Variants in PPP1R13B observed in about 807,000 individuals in gnomAD.
The protein encoded by PPP1R13B is protein phosphatase 1 regulatory subunit 13B.
Under a neutral mutation model 119.8 loss-of-function variants are expected in PPP1R13B, and 44 were observed. The ratio of observed to expected loss-of-function variants is 0.37; its 90% confidence interval spans 0.29 to 0.47. The LOEUF (loss-of-function observed/expected upper bound fraction) is 0.47, where lower values mean the gene tolerates loss of function less well. PPP1R13B is among the 20% of genes least tolerant of loss of function. PPP1R13B has a pLI of 0.99. For missense variants in PPP1R13B, 1,227 were observed against 1,413.5 expected (o/e 0.87, Z 2.12); for synonymous variants, 542 against 561.5 (o/e 0.97, Z 0.49).
At chr14:103,833,922 T>C (rs1394761509) in intron 1 of PPP1R13B, among the ~76,000 whole-genome samples, 1 of 152,216 alleles carries the variant, frequency 6.6e-6, no homozygotes, top group African/African-American at 2.4e-5. Context: ...TGATGAATCC[T>C]AAAGGCATGC....
chr14:103,773,938 A>C (rs1845802593), intron 4 of PPP1R13B, among the ~76,000 whole-genome samples: 2 of 152,172 alleles, frequency 1.3e-5, no homozygotes, highest in Non-Finnish European at 2.9e-5. Context: ...CACCATATGG[A>C]AAACGGTGCC....
At chr14:103,769,606 C>G (rs77230327) in intron 4 of PPP1R13B, among the ~76,000 whole-genome samples, 5,353 of 152,210 alleles carry the variant, frequency 0.035, 267 homozygotes, top group African/African-American at 0.11. Flanking sequence ...AAATGACAAA[C>G]ATCCCTAATG....
chr14:103,785,536 T>TTTG, intron 2 of PPP1R13B, among the ~76,000 whole-genome samples: 1 of 122,970 alleles, frequency 8.1e-6, no homozygotes, highest in Non-Finnish European at 1.8e-5. Flanking sequence ...TTTTTTTTTT[T>TTTG]GAGACAGAGT....
chr14:103,741,744 TATA>T, intron 11 of PPP1R13B, 43 bp downstream of exon 11: 1 of 1,551,478 alleles, frequency 6.4e-7, no homozygotes, highest in African/African-American at 1.4e-5. Flanking sequence ...TAATTAAAAG[TATA>T]ATTTCCTAGC....
rs10134415 is a variant in PPP1R13B at position 103,830,304 on chromosome 14, C to G, written c.9+16995G>C. Among the ~76,000 whole-genome samples the G allele has an allele frequency of 4.2e-3, 632 of 151,930 alleles. 3 individuals carry two copies. The highest frequency in any genetic ancestry group is 0.015 in the African/African-American group (614 of 41,406). ...ACAGATGAGGTTTCACCAAGTTGGC[C>G]AGGCTGGCCTCAAACTCCTGACCTC... On this transcript the variant is annotated intron_variant, in intron 1 of 16. Transcript: ENST00000202556.
At chr14:103,785,542 A>T (rs2085442053) in intron 2 of PPP1R13B, among the ~76,000 whole-genome samples, 1 of 118,128 alleles carries the variant, frequency 8.5e-6, no homozygotes, top group African/African-American at 3.4e-5. Flanking sequence ...TTTTTGAGAC[A>T]GAGTTTTGCT....
chr14:103,834,318 G>A (rs906886648), intron 1 of PPP1R13B, among the ~76,000 whole-genome samples: 3 of 152,176 alleles, frequency 2.0e-5, no homozygotes, highest in African/African-American at 7.2e-5. Flanking sequence ...AGAGGTTGCA[G>A]TGAGCCAAGA....
In PPP1R13B at chr14:103,735,087, A is replaced by T; in HGVS notation, c.*67T>A. ...TTTCTAGCTGCAGCTTTCCTGGAAA[A>T]CAGCACAATAATCTCTTAAGTGGCT... On this transcript the variant is annotated 3_prime_UTR_variant, in exon 17 of 17. Transcript: ENST00000202556. The T allele has an allele frequency of 6.4e-7, 1 of 1,565,468 alleles. No individual in the cohort carries two copies. The highest frequency in any genetic ancestry group is 8.8e-7 in the Non-Finnish European group (1 of 1,135,900).
upstream of PPP1R13B, chr14:103,847,716 C>T (rs937172356): frequency 7.5e-5 from 58 of 774,314 alleles, no homozygotes; most frequent in Non-Finnish European, 8.8e-5. Context: ...CGGCTCCGCC[C>T]GCTACCCTCG....
chr14:103,783,419 C>A (rs535172668), intron 3 of PPP1R13B, among the ~76,000 whole-genome samples: 1 of 151,580 alleles, frequency 6.6e-6, no homozygotes, highest in African/African-American at 2.4e-5. Flanking sequence ...ACCACCACAT[C>A]GGGCTAATTT....
chr14:103,765,542 C>T (rs1321113341), intron 4 of PPP1R13B, among the ~76,000 whole-genome samples: 1 of 152,162 alleles, frequency 6.6e-6, no homozygotes, highest in African/African-American at 2.4e-5. Flanking sequence ...TTTGATTGAG[C>T]CATCCTTGCC....
intron 1 of PPP1R13B, among the ~76,000 whole-genome samples, chr14:103,822,076 C>T (rs1446913657): frequency 6.6e-6 from 1 of 152,048 alleles, no homozygotes; most frequent in Non-Finnish European, 1.5e-5. Context: ...CAAATCATGC[C>T]TATGAAAAAC....
At position 103,740,262 on chromosome 14, in the gene PPP1R13B, G is replaced by A. The variant is rs149001440; in HGVS notation, c.2154C>T (p.Gly718=). ...RSSITEPEGP[G]GPNIQKLLYQ... ...ACAGCAGCTTCTGGATGTTGGGCCC[G>A]CCGGGGCCCTCGGGCTCTGTGATGG... Residue 718 remains glycine (G), a synonymous_variant, in exon 12 of 17, where the codon GGC becomes GGT. Coordinates refer to ENST00000202556, the MANE Select transcript of PPP1R13B (RefSeq NM_015316.3). This position sits in a 1 kb window ranked among gnomAD's most constrained non-coding sequence, Gnocchi z 4.6. 1.6e-3 allele frequency: 2,527 copies of A among 1,604,008 alleles called. 34 individuals are homozygous for A. The African/African-American group carries it at 0.029, about 18-fold the overall frequency.
At chr14:103,821,369 C>T (rs568722714) in intron 1 of PPP1R13B, among the ~76,000 whole-genome samples, 117 of 152,230 alleles carry the variant, frequency 7.7e-4, no homozygotes, top group African/African-American at 2.7e-3. Flanking sequence ...GAAGCCTCCC[C>T]GCAACTTTTA....
chr14:103,762,903 C>T (rs2084843728), intron 4 of PPP1R13B: 1 of 948,316 alleles, frequency 1.1e-6, no homozygotes, highest in East Asian at 2.6e-5. Flanking sequence ...GAGCAAATTT[C>T]CATCAGGACA....
intron 1 of PPP1R13B, among the ~76,000 whole-genome samples, chr14:103,845,213 A>G (rs535303046): frequency 2.5e-4 from 35 of 139,240 alleles, no homozygotes; most frequent in Non-Finnish European, 4.3e-4. Flanking sequence ...CAATAAATCG[A>G]GAAAAATCTT....
intron 1 of PPP1R13B, 68 bp downstream of exon 1, chr14:103,847,231 G>A (rs2152093987): frequency 9.0e-7 from 1 of 1,104,986 alleles, no homozygotes; most frequent in East Asian, 5.4e-5. Flanking sequence ...GGGAGCCGCG[G>A]GAGGAAGGAG....
chr14:103,834,990 C>T (rs145522503), intron 1 of PPP1R13B, among the ~76,000 whole-genome samples: 18 of 152,340 alleles, frequency 1.2e-4, no homozygotes, highest in African/African-American at 3.8e-4. Flanking sequence ...GCATGAAGGG[C>T]ACAAGCATTC....
chr14:103,815,038 A>G (rs58899741), intron 1 of PPP1R13B, among the ~76,000 whole-genome samples: 4,791 of 152,312 alleles, frequency 0.031, 210 homozygotes, highest in African/African-American at 0.098. Context: ...AAAAGTGGAA[A>G]CAACTCAAAC....
Sources: gnomAD v4.1 joint callset for allele counts (sites outside exome capture counted in the v4.1 genomes callset) on GRCh38, gnomAD v4.1.1 for gene constraint, Gnocchi (gnomAD v3.1) non-coding constraint, MANE v1.5 for transcripts, NCBI Gene and HGNC (gene_info 2026-07-23, HGNC 2026-07-21) for gene names.